The following WWP1 variants were observed in gnomAD, a reference collection of about 807,000 sequenced individuals.
WWP1 encodes the protein NEDD4-like E3 ubiquitin-protein ligase WWP1.
In WWP1, 49 loss-of-function variants were observed where a neutral mutation model predicts 130.6. The observed-to-expected ratio is 0.38, with a 90% CI of 0.30 to 0.48. The LOEUF is 0.48. Among genes scored for constraint, WWP1 ranks in the 20% least tolerant of loss-of-function variants. The pLI, the probability that WWP1 is intolerant of heterozygous loss-of-function variation, is 0.99. For missense variants in WWP1, 809 were observed against 1,100.6 expected (o/e 0.74, Z 3.75); for synonymous variants, 332 against 367.8 (o/e 0.90, Z 1.11).
At chr8:86,418,614 CTG>C (rs1481589631) in intron 9 of WWP1, among the ~76,000 whole-genome samples, 1 of 152,132 alleles carries the variant, frequency 6.6e-6, no homozygotes, top group Non-Finnish European at 1.5e-5. Flanking sequence ...GAAGATGACA[CTG>C]TAAATGGCAG....
At chr8:86,376,757 T>C (rs115972639) in intron 3 of WWP1, among the ~76,000 whole-genome samples, 206 of 152,322 alleles carry the variant, frequency 1.4e-3, no homozygotes, top group African/African-American at 4.8e-3. Context: ...TGAGCGTCAG[T>C]TGCTGCTCTC....
At chr8:86,454,883 A>G (rs1350929776) in intron 21 of WWP1, among the ~76,000 whole-genome samples, 1 of 152,094 alleles carries the variant, frequency 6.6e-6, no homozygotes. Flanking sequence ...TAATCAGTTA[A>G]GAGTACAGTT....
chr8:86,366,895 A>G (rs1824007106), intron 1 of WWP1, among the ~76,000 whole-genome samples: 1 of 152,196 alleles, frequency 6.6e-6, no homozygotes, highest in African/African-American at 2.4e-5. Flanking sequence ...ATATTCGTAT[A>G]TATAATTTAA....
intron 1 of WWP1, among the ~76,000 whole-genome samples, chr8:86,363,329 T>C (rs916922714): frequency 1.3e-5 from 2 of 152,234 alleles, no homozygotes; most frequent in Non-Finnish European, 2.9e-5. Flanking sequence ...AAAGCTGGTC[T>C]GCTGGTCTGC....
At chr8:86,387,690 T>C (rs1449059113) in intron 5 of WWP1, among the ~76,000 whole-genome samples, 1 of 151,912 alleles carries the variant, frequency 6.6e-6, no homozygotes, top group Non-Finnish European at 1.5e-5. Flanking sequence ...GTGCGGCTCA[T>C]TTTTGTATTT....
intron 1 of WWP1, among the ~76,000 whole-genome samples, chr8:86,363,120 G>T (rs1229195761): frequency 6.6e-6 from 1 of 152,120 alleles, no homozygotes; most frequent in African/African-American, 2.4e-5. Flanking sequence ...ATCCATGAAT[G>T]GGGCAGTCTC....
In WWP1 at chr8:86,426,693, T is replaced by A. The variant is rs114133905; in HGVS notation, c.1158-950T>A. On this transcript the variant is annotated intron_variant, in intron 10 of 24. Transcript: ENST00000517970. ...TGCCAGTGAGCCATCATGGGTGGAATGACATGGAGTCCACCTGTGTTTCAG... is the reference window on the plus strand; with the variant it reads ...TGCCAGTGAGCCATCATGGGTGGAAAGACATGGAGTCCACCTGTGTTTCAG... Among the ~76,000 whole-genome samples, 469 of 152,280 alleles carry A rather than the reference T, an allele frequency of 3.1e-3. 2 individuals carry two copies. Among genetic ancestry groups the A allele is most frequent in the African/African-American group, 0.011 (447 of 41,560 alleles).
intron 10 of WWP1, among the ~76,000 whole-genome samples, chr8:86,425,519 T>C (rs987972993): frequency 6.6e-6 from 1 of 152,214 alleles, no homozygotes; most frequent in Non-Finnish European, 1.5e-5. Flanking sequence ...AGCATTGGCA[T>C]GAGTTACTGA....
chr8:86,348,880 T>C (rs1822754218), intron 1 of WWP1, among the ~76,000 whole-genome samples: 1 of 152,232 alleles, frequency 6.6e-6, no homozygotes, highest in Admixed American at 6.5e-5. Context: ...AGTTTTGCTT[T>C]CCTGGGTTGG....
intron 2 of WWP1, 139 bp downstream of exon 2, chr8:86,369,170 C>T (rs555177185): frequency 1.3e-4 from 20 of 152,254 alleles, no homozygotes; most frequent in African/African-American, 3.8e-4. Context: ...TCCTGAGGCT[C>T]AGTTTTCTCA....
chr8:86,443,182 C>T (rs1296140222), intron 18 of WWP1, among the ~76,000 whole-genome samples: 1 of 152,138 alleles, frequency 6.6e-6, no homozygotes, highest in Non-Finnish European at 1.5e-5. Context: ...AAACGATCCT[C>T]CCACCTCAGC....
chr8:86,374,037 C>G lies in WWP1; in HGVS notation c.-14C>G. On this transcript the variant is annotated 5_prime_UTR_variant, in exon 3 of 25. Transcript: ENST00000517970. Reference sequence around the variant, plus strand: ...TCCCCTTTTTTAAAATAGGTTTTAGCTGAATTTTGGGACATGGCCACTGCT... The same window carrying G: ...TCCCCTTTTTTAAAATAGGTTTTAGGTGAATTTTGGGACATGGCCACTGCT... The G allele has an allele frequency of 4.4e-6, 7 of 1,599,044 alleles. No individual in the cohort carries two copies. Among genetic ancestry groups the G allele is most frequent in the Non-Finnish European group, 6.0e-6 (7 of 1,175,392 alleles).
At chr8:86,454,160 A>G (rs1437357551) in intron 21 of WWP1, among the ~76,000 whole-genome samples, 1 of 152,136 alleles carries the variant, frequency 6.6e-6, no homozygotes, top group Non-Finnish European at 1.5e-5. Flanking sequence ...ATTACAGTAT[A>G]TAATAGGATA....
At chr8:86,352,631 T>C (rs28433311) in intron 1 of WWP1, among the ~76,000 whole-genome samples, 1 of 151,890 alleles carries the variant, frequency 6.6e-6, no homozygotes, top group Non-Finnish European at 1.5e-5. Flanking sequence ...TCTCTCCCAA[T>C]GTGCTGGGAT....
chr8:86,408,251 T>TCC, intron 8 of WWP1, among the ~76,000 whole-genome samples: 1 of 152,226 alleles, frequency 6.6e-6, no homozygotes, highest in African/African-American at 2.4e-5. Flanking sequence ...CACTAAATAC[T>TCC]CACTTATTAT....
In WWP1 at chr8:86,402,216, A is replaced by G. The variant is rs547059981; in HGVS notation, c.724+13A>G. ...GCCGATGACACTGGTAAGCAAGGCTATTTATGACACCTTGTTTAAAGGAAA... is the reference window on the plus strand; with the variant it reads ...GCCGATGACACTGGTAAGCAAGGCTGTTTATGACACCTTGTTTAAAGGAAA... On this transcript the variant is annotated intron_variant, in intron 8 of 24. Transcript: ENST00000517970. 19 of 1,610,356 alleles carry G rather than the reference A, an allele frequency of 1.2e-5. No homozygotes were observed. The South Asian group carries it at 1.9e-4, about 16-fold the overall frequency.
chr8:86,448,763 C>T (rs2130744909), intron 20 of WWP1, among the ~76,000 whole-genome samples: 1 of 152,278 alleles, frequency 6.6e-6, no homozygotes, highest in East Asian at 1.9e-4. Context: ...CTCACCACAG[C>T]CTGTTTCTTG....
chr8:86,350,620 AGGTGC>A (rs1461531945), intron 1 of WWP1, among the ~76,000 whole-genome samples: 1 of 152,226 alleles, frequency 6.6e-6, no homozygotes, highest in Admixed American at 6.5e-5. Flanking sequence ...AGTTACATGA[AGGTGC>A]TTCTTGATGG....
At chr8:86,429,212 C>T (rs1586437352) in intron 11 of WWP1, among the ~76,000 whole-genome samples, 1 of 152,112 alleles carries the variant, frequency 6.6e-6, no homozygotes, top group Non-Finnish European at 1.5e-5. Context: ...TGTTGCAAGC[C>T]CTTGCCTTTT....
Sources: gnomAD v4.1 joint callset for allele counts (sites outside exome capture counted in the v4.1 genomes callset) on GRCh38, gnomAD v4.1.1 for gene constraint, MANE v1.5 for transcripts, NCBI Gene and HGNC (gene_info 2026-07-23, HGNC 2026-07-21) for gene names.